PAX5: variants seen among roughly 807,000 people sequenced by gnomAD.
PAX5 encodes the protein paired box protein Pax-5.
A neutral mutation model predicts 43.7 loss-of-function variants in PAX5; 9 were observed. That is an observed-to-expected ratio of 0.21 (90% CI 0.12 to 0.36). The LOEUF is 0.36. Among genes scored for constraint, PAX5 ranks in the 10% least tolerant of loss-of-function variants. PAX5 has a pLI of 1.00. For synonymous variants in PAX5, 228 were observed against 214.3 expected (o/e 1.06, Z -0.56); for missense variants, 383 against 532.7 (o/e 0.72, Z 2.77).
chr9:36,863,806 G>A (rs185369165), intron 8 of PAX5, among the ~76,000 whole-genome samples: 177 of 150,966 alleles, frequency 1.2e-3, no homozygotes, highest in African/African-American at 4.0e-3. Context: ...GTGCAGGACT[G>A]GCATATAGAA....
At chr9:36,864,058 G>A (rs185786005) in intron 8 of PAX5, among the ~76,000 whole-genome samples, 39 of 152,332 alleles carry the variant, frequency 2.6e-4, no homozygotes, top group Non-Finnish European at 4.3e-4. Flanking sequence ...GCAGTGAGCC[G>A]AGATTGCACC....
chr9:36,884,317 A>G (rs2131778963), intron 7 of PAX5, among the ~76,000 whole-genome samples: 1 of 152,330 alleles, frequency 6.6e-6, no homozygotes, highest in South Asian at 2.1e-4. Context: ...GTTTCATTCT[A>G]TGTATGCAAG....
chr9:36,966,309 C>A (rs538203222), intron 6 of PAX5, among the ~76,000 whole-genome samples: 2 of 152,340 alleles, frequency 1.3e-5, no homozygotes, highest in East Asian at 1.9e-4. Context: ...AAGTCACCCA[C>A]CCCCTGGCTG....
intron 5 of PAX5, among the ~76,000 whole-genome samples, chr9:36,987,913 A>G (rs1472998334): frequency 1.3e-5 from 2 of 152,246 alleles, no homozygotes; most frequent in African/African-American, 2.4e-5. Flanking sequence ...AAAAGATACA[A>G]ACCTGACCAA....
intron 8 of PAX5, among the ~76,000 whole-genome samples, chr9:36,873,173 C>G (rs1408326745): frequency 3.3e-5 from 5 of 152,224 alleles, no homozygotes; most frequent in South Asian, 2.1e-4. Flanking sequence ...TCAGTGGTCC[C>G]CCTCACCTGC....
At position 36,839,737 on chromosome 9, in the gene PAX5, C is replaced by T. The variant is rs1821894517; in HGVS notation, c.*823G>A. ...TTCAAAGTCCACAATGTAATCAATA[C>T]CTCGGATGACATTCTGCTTCGGAAA... On this transcript the variant is annotated 3_prime_UTR_variant, in exon 10 of 10. Transcript: ENST00000358127. The T allele has an allele frequency of 4.3e-6, 1 of 233,412 alleles. No individual in the cohort carries two copies. Among genetic ancestry groups the T allele is most frequent in the Non-Finnish European group, 8.5e-6 (1 of 118,128 alleles). 14.5% of individuals were successfully genotyped at this position (233,412 alleles called of 1,614,324 possible). A position where few individuals can be genotyped will look rare whatever the true frequency, so the allele number is the denominator to read the frequency against.
chr9:36,885,449 C>A (rs1430240259), intron 7 of PAX5, among the ~76,000 whole-genome samples: 2 of 152,194 alleles, frequency 1.3e-5, no homozygotes, highest in East Asian at 3.8e-4. Context: ...ATAGCCAGCG[C>A]TTACGGAGAG....
chr9:36,918,232 AAAGC>A (rs1224727004), intron 7 of PAX5, among the ~76,000 whole-genome samples: 4 of 152,254 alleles, frequency 2.6e-5, no homozygotes, highest in Non-Finnish European at 5.9e-5. Context: ...GGCCAAAAGC[AAAGC>A]CTCTTGCACC....
intron 9 of PAX5, among the ~76,000 whole-genome samples, chr9:36,846,574 A>G (rs1043184583): frequency 6.6e-6 from 1 of 152,082 alleles, no homozygotes; most frequent in Non-Finnish European, 1.5e-5. Context: ...TTCTCCTTCA[A>G]TGCCCCTTTT....
chr9:36,916,536 A>G (rs796109523), intron 7 of PAX5, among the ~76,000 whole-genome samples: 4 of 152,294 alleles, frequency 2.6e-5, no homozygotes, highest in Non-Finnish European at 4.4e-5. Context: ...TTGGCATTTT[A>G]TGATATTTAG....
At chr9:37,028,971 A>T (rs1379243971) in intron 1 of PAX5, among the ~76,000 whole-genome samples, 1 of 152,188 alleles carries the variant, frequency 6.6e-6, no homozygotes, top group Non-Finnish European at 1.5e-5. Flanking sequence ...AGCGTGTGAC[A>T]GTCATTCTTC....
chr9:36,978,492 C>G (rs1835640904), intron 5 of PAX5, among the ~76,000 whole-genome samples: 1 of 146,766 alleles, frequency 6.8e-6, no homozygotes, highest in South Asian at 2.3e-4. Flanking sequence ...TCTCCCATCC[C>G]CCACTGCACA....
chr9:37,032,872 C>T (rs1022245026), intron 1 of PAX5, among the ~76,000 whole-genome samples: 3 of 152,240 alleles, frequency 2.0e-5, no homozygotes, highest in African/African-American at 7.2e-5. Context: ...CACATGGGGA[C>T]CTAAGCCAGG....
intron 7 of PAX5, among the ~76,000 whole-genome samples, chr9:36,890,117 T>C (rs1384148514): frequency 6.6e-6 from 1 of 152,152 alleles, no homozygotes; most frequent in East Asian, 1.9e-4. Context: ...CCTTGCAGAA[T>C]TCATTACCCT....
chr9:36,899,213 A>AC (rs1828150898), intron 7 of PAX5, among the ~76,000 whole-genome samples: 1 of 151,144 alleles, frequency 6.6e-6, no homozygotes, highest in Non-Finnish European at 1.5e-5. Flanking sequence ...CCTGTGAAAG[A>AC]CCCCCCAGAT....
intron 4 of PAX5, among the ~76,000 whole-genome samples, chr9:37,005,718 T>G (rs1838329901): frequency 6.6e-6 from 1 of 152,260 alleles, no homozygotes; most frequent in Non-Finnish European, 1.5e-5. Context: ...TGTCAGAGAC[T>G]TGCTAAATCA....
chr9:36,978,068 C>G (rs951076041), intron 5 of PAX5, among the ~76,000 whole-genome samples: 1 of 152,216 alleles, frequency 6.6e-6, no homozygotes, highest in African/African-American at 2.4e-5. Context: ...AGTGCAAATA[C>G]ATTATTGAAG....
At chr9:36,869,408 T>G (rs959088258) in intron 8 of PAX5, among the ~76,000 whole-genome samples, 6 of 152,252 alleles carry the variant, frequency 3.9e-5, no homozygotes. Context: ...AAATTGTCTC[T>G]TCCTAGATTC....
intron 6 of PAX5, among the ~76,000 whole-genome samples, chr9:36,952,809 C>G (rs962239111): frequency 2.6e-5 from 4 of 152,172 alleles, no homozygotes; most frequent in African/African-American, 7.2e-5. Context: ...TTTCACTTAT[C>G]CATATGTAAT....
Sources: gnomAD v4.1 joint callset for allele counts (sites outside exome capture counted in the v4.1 genomes callset) on GRCh38, gnomAD v4.1.1 for gene constraint, MANE v1.5 for transcripts, NCBI Gene and HGNC (gene_info 2026-07-23, HGNC 2026-07-21) for gene names.